The following VIRMA variants were observed in gnomAD, a reference collection of about 807,000 sequenced individuals.
VIRMA encodes protein virilizer homolog.
A neutral mutation model predicts 182.4 loss-of-function variants in VIRMA; 65 were observed. The observed-to-expected ratio is 0.36, with a 90% CI of 0.29 to 0.44. The LOEUF is 0.44. Among genes scored for constraint, VIRMA ranks in the 20% least tolerant of loss-of-function variants. The pLI is 1.00. For missense variants in VIRMA, 1,752 were observed against 2,158.1 expected, an observed-to-expected ratio of 0.81 and a Z score of 3.73; for synonymous variants, 709 against 743.1, an observed-to-expected ratio of 0.95 and a Z score of 0.75.
chr8:94,503,674 GGTAA>G (rs781658123), intron 16 of VIRMA, among the ~76,000 whole-genome samples: 1 of 152,016 alleles, frequency 6.6e-6, no homozygotes, highest in Non-Finnish European at 1.5e-5. Flanking sequence ...TCTTAGTTTT[GGTAA>G]GTATTATACA....
rs377644391 is a variant in VIRMA at position 94,536,744 on chromosome 8, C to T, written c.315+359G>A. ...CCTGTAATCCTAGCACTTTGGGAGG[C>T]CGAGGCGGTTGGATCACGAGGTCAG... is the stretch of plus-strand genomic sequence containing the variant. On this transcript the variant is annotated intron_variant, in intron 4 of 23. Coordinates refer to ENST00000297591, the MANE Select transcript of VIRMA (RefSeq NM_015496.5). Among the ~76,000 whole-genome samples the T allele has an allele frequency of 6.6e-5, 10 of 152,220 alleles. No individual in the cohort carries two copies. In the East Asian group the frequency reaches 9.7e-4, roughly 15 times the overall value.
chr8:94,536,359 T>C (rs1281159984), intron 4 of VIRMA, among the ~76,000 whole-genome samples: 1 of 152,232 alleles, frequency 6.6e-6, no homozygotes, highest in Admixed American at 6.5e-5. Flanking sequence ...TACCAGGTCA[T>C]AATTATTTTT....
At chr8:94,489,683 C>T (rs914281329) in intron 23 of VIRMA, among the ~76,000 whole-genome samples, 4 of 151,954 alleles carry the variant, frequency 2.6e-5, no homozygotes, top group African/African-American at 9.7e-5. Context: ...AATTGTAACA[C>T]ATTATATAAT....
Position 94,492,650 on chromosome 8 carries a change from A to G in VIRMA, c.4808+2T>C. On this transcript the variant is annotated splice_donor_variant, in intron 21 of 23. Coordinates refer to ENST00000297591, the MANE Select transcript of VIRMA (RefSeq NM_015496.5). LOFTEE classifies it high-confidence loss of function. ...TGAGATCTTCAGTGGAATAAATTTT[A>G]CCTTGACGTTATAAAGGTCTCATGC... The G allele has an allele frequency of 6.2e-7, 1 of 1,610,818 alleles. No homozygotes were observed. The highest frequency in any genetic ancestry group is 8.5e-7 in the Non-Finnish European group (1 of 1,177,748).
At chr8:94,510,916 G>T in intron 13 of VIRMA, 1 of 1,195,476 alleles carries the variant, frequency 8.4e-7, no homozygotes, top group Non-Finnish European at 1.1e-6. Context: ...TAAGGTGTGG[G>T]GGAAAGGATT....
intron 19 of VIRMA, 101 bp downstream of exon 19, chr8:94,495,630 C>T: frequency 1.3e-6 from 1 of 759,848 alleles, no homozygotes; most frequent in Non-Finnish European, 2.0e-6. Flanking sequence ...AGAATTCTTA[C>T]TATCTGGCCC....
At position 94,530,838 on chromosome 8, in the gene VIRMA, G is replaced by A. The variant is rs545707435; in HGVS notation, c.607+125C>T. On this transcript the variant is annotated intron_variant, in intron 6 of 23. Transcript: ENST00000297591. ...GAGGTGAGAGGATCACTTAAGCCCA[G>A]GTGGTCAAGACTGCAGTGAGCCACT... 1.8e-4 allele frequency: 170 copies of A among 941,274 alleles called. 1 individual carries two copies. In the African/African-American group the frequency reaches 2.8e-3, roughly 15 times the overall value. 58.3% of individuals were successfully genotyped at this position (941,274 alleles called of 1,614,324 possible). A position where few individuals can be genotyped will look rare whatever the true frequency, so the allele number is the denominator to read the frequency against.
intron 11 of VIRMA, among the ~76,000 whole-genome samples, chr8:94,512,613 C>T (rs1814418470): frequency 1.3e-5 from 2 of 151,940 alleles, no homozygotes; most frequent in Admixed American, 6.6e-5. Context: ...CCTGCCTCTA[C>T]AAAATATTAA....
chr8:94,519,449 C>G lies in VIRMA; in HGVS notation c.2049G>C (p.Glu683Asp). The change falls in exon 9 of 24, where the codon GAG (glutamate) becomes GAC (aspartate). Residue 683 changes from glutamate (E) to aspartate (D), a missense_variant. Glu to Asp is a conservative substitution (Grantham distance 45). This residue lies in a region of VIRMA where 401 missense variants were observed against 455.1 expected (regional missense o/e 0.88). Transcript: ENST00000297591. Reference sequence around the variant, plus strand: ...GAATTGACAGAAGCAAGGTAACCAACTCCAAGAAGTGATGACTGTGAAGAT... The same window carrying G: ...GAATTGACAGAAGCAAGGTAACCAAGTCCAAGAAGTGATGACTGTGAAGAT... ...FRYLHSHHFL[E>D]LVTLLLSIPV... The G allele has an allele frequency of 6.6e-7, 1 of 1,526,016 alleles. No homozygotes were observed. The highest frequency in any genetic ancestry group is 8.8e-7 in the Non-Finnish European group (1 of 1,141,414). The allele number at this position is 1,526,016 out of a possible 1,614,324, so 94.5% of individuals were successfully genotyped here.
At chr8:94,534,757 A>C in intron 5 of VIRMA, 82 bp downstream of exon 5, 1 of 1,521,658 alleles carries the variant, frequency 6.6e-7, no homozygotes, top group Admixed American at 1.9e-5. Context: ...AACAAAAGGT[A>C]AAAGAGTGCT....
Position 94,534,997 on chromosome 8 carries a change from T to C in VIRMA, c.326A>G (p.Asp109Gly). Residue 109 changes from aspartate (D) to glycine (G), a missense_variant, in exon 5 of 24, where the codon GAT becomes GGT. Asp to Gly is a moderately conservative substitution (Grantham distance 94, BLOSUM62 -1). Coordinates refer to ENST00000297591, the MANE Select transcript of VIRMA (RefSeq NM_015496.5). ...ATACCAGCCTCTTAGCACCAGACCA[T>C]CAGTATTCACCTGATTTTCAGGGAG... ...IFRPNSKVNT[D>G]GLVLRGWYNC... is the part of the protein sequence containing the mutation. The C allele has an allele frequency of 1.3e-6, 2 of 1,597,692 alleles. No individual in the cohort carries two copies. Among genetic ancestry groups the C allele is most frequent in the Non-Finnish European group, 1.7e-6 (2 of 1,175,526 alleles).
At chr8:94,550,623 A>G (rs1049744276) in intron 1 of VIRMA, among the ~76,000 whole-genome samples, 18 of 151,882 alleles carry the variant, frequency 1.2e-4, no homozygotes, top group Non-Finnish European at 2.2e-4. Flanking sequence ...TTATTGATCA[A>G]GTAATCTATC....
rs1344515165 is a variant in VIRMA, at chr8:94,511,340, G to A, written c.3235C>T (p.Leu1079Phe). The change falls in exon 13 of 24, where the codon CTC becomes TTC. Residue 1079 changes from leucine to phenylalanine, a missense_variant. Transcript: ENST00000297591. ...GCCAGAGTCTCTTCTGAGATTGTGAGTTTTTCATTAACTCCTTGTGTAAAA... is the reference window on the plus strand; with the variant it reads ...GCCAGAGTCTCTTCTGAGATTGTGAATTTTTCATTAACTCCTTGTGTAAAA... ...LTFTQGVNEK[L>F]TISEETLANN... The A allele has an allele frequency of 6.2e-7, 1 of 1,613,692 alleles. No homozygotes were observed. The highest frequency in any genetic ancestry group is 8.5e-7 in the Non-Finnish European group (1 of 1,179,874).
chr8:94,527,162 A>G lies in VIRMA; in HGVS notation c.1082T>C (p.Ile361Thr). 6.2e-7 allele frequency: 1 copy of G among 1,614,062 alleles called. No individual in the cohort carries two copies. The highest frequency in any genetic ancestry group is 8.5e-7 in the Non-Finnish European group (1 of 1,180,000). ...TTGATCCTTCATTCTACTGATTTCA[A>G]TTTCAAAAGTAGTCTTGTATGGACA... ...FSCPYKTTFE[I>T]EISRMKDQGP... is the part of the protein sequence containing the mutation. The change falls in exon 8 of 24, where the codon ATT (isoleucine) becomes ACT (threonine). Residue 361 changes from isoleucine (I) to threonine (T), a missense_variant. This residue lies in a region of VIRMA where 401 missense variants were observed against 455.1 expected (regional missense o/e 0.88). Coordinates refer to ENST00000297591, the MANE Select transcript of VIRMA (RefSeq NM_015496.5).
In VIRMA at chr8:94,496,446, A is replaced by C. The variant is rs374090382; in HGVS notation, c.4265T>G (p.Val1422Gly). The part of the protein sequence containing the change: ...CCGDDNGLME[V>G]EGAHTSRTMS... ...CGTCCGTGATGTATGAGCTCCCTCT[A>C]CTTCCATGAGACCATTATCATCTCC... Residue 1422 changes from valine (V) to glycine (G), a missense_variant, in exon 18 of 24, where the codon GTA (valine) becomes GGA (glycine). Coordinates refer to ENST00000297591, the MANE Select transcript of VIRMA (RefSeq NM_015496.5). The C allele has an allele frequency of 1.6e-5, 26 of 1,613,066 alleles. No homozygotes were observed. The highest frequency in any genetic ancestry group is 1.7e-5 in the Non-Finnish European group (20 of 1,179,406).
chr8:94,522,411 T>C (rs1226507147), intron 8 of VIRMA, among the ~76,000 whole-genome samples: 1 of 152,178 alleles, frequency 6.6e-6, no homozygotes, highest in Non-Finnish European at 1.5e-5. Flanking sequence ...TATTATATGC[T>C]GAGTTTTGTG....
At position 94,496,479 on chromosome 8, in the gene VIRMA, C is replaced by T; in HGVS notation, c.4232G>A (p.Gly1411Glu). The change falls in exon 18 of 24, where the codon GGA becomes GAA. Residue 1411 changes from glycine to glutamate, a missense_variant and splice_region_variant. Around this residue, in one of 11 missense-constraint regions of VIRMA, gnomAD observed 777 missense variants for 920.6 expected, o/e 0.84. Transcript: ENST00000297591. The part of the protein sequence containing the change: ...MRQILNSDTI[G>E]CCGDDNGLME... ...GAGACCATTATCATCTCCACAGCAT[C>T]CCTGTAAATGTCACACATAAGTTAA... The T allele has an allele frequency of 6.2e-7, 1 of 1,606,986 alleles. No homozygotes were observed. Among genetic ancestry groups the T allele is most frequent in the Non-Finnish European group, 8.5e-7 (1 of 1,177,630 alleles).
chr8:94,491,484 G>T, intron 22 of VIRMA, 94 bp downstream of exon 22: 1 of 1,201,936 alleles, frequency 8.3e-7, no homozygotes, highest in Non-Finnish European at 1.2e-6. Flanking sequence ...CAGGAAAACT[G>T]TTTATCTGAA....
chr8:94,492,631 C>A (rs775829986), intron 21 of VIRMA, 21 bp downstream of exon 21: 12 of 1,600,498 alleles, frequency 7.5e-6, no homozygotes, highest in Non-Finnish European at 9.4e-6. Context: ...CATTTGAGAT[C>A]TTCAGTGGAA....
Sources: allele counts gnomAD v4.1 joint callset (sites outside exome capture counted in the v4.1 genomes callset), GRCh38; gene constraint gnomAD v4.1.1; regional missense constraint gnomAD v4.1.1; transcripts MANE v1.5; gene names NCBI Gene and HGNC (gene_info 2026-07-23, HGNC 2026-07-21).